Variants in HAT1 observed in about 807,000 individuals in gnomAD.
HAT1 encodes the protein histone acetyltransferase 1.
In HAT1, 20 loss-of-function variants were observed where a neutral mutation model predicts 56.6. The observed-to-expected ratio is 0.35, with a 90% CI of 0.25 to 0.51. HAT1 has a LOEUF of 0.51. Ranked by LOEUF, HAT1 falls within the 20% of genes least tolerant of loss-of-function variation. The pLI is 0.95. For synonymous variants in HAT1, 146 were observed against 165.5 expected (o/e 0.88, Z 0.91); for missense variants, 408 against 504.3 (o/e 0.81, Z 1.83).
intron 10 of HAT1, among the ~76,000 whole-genome samples, chr2:171,982,831 A>C (rs1288285115): frequency 6.6e-6 from 1 of 152,160 alleles, no homozygotes; most frequent in African/African-American, 2.4e-5. Context: ...ACTTAATCTC[A>C]GTTGTCTTTC....
At chr2:171,980,822 A>G (rs952876730) in intron 10 of HAT1, 5 of 144,582 alleles carry the variant, frequency 3.5e-5, no homozygotes, top group African/African-American at 1.0e-4. Context: ...TACCACTGCA[A>G]TCCAGGCTGG....
Position 171,965,459 on chromosome 2 carries a change from A to G in HAT1, c.431A>G (p.His144Arg). ...TTCAAGCCATTCGGAACCTTACTTC[A>G]TACCTACTCAGTTCTCAGTCCAACA... is the stretch of plus-strand genomic sequence containing the variant. ...VDFKPFGTLL[H>R]TYSVLSPTGG... The change falls in exon 5 of 11, where the codon CAT becomes CGT. Residue 144 changes from histidine to arginine, a missense_variant. By Grantham distance (29) the His-to-Arg change is conservative. Coordinates refer to ENST00000264108, the MANE Select transcript of HAT1 (RefSeq NM_003642.4). 1 of 1,610,204 alleles carries G rather than the reference A, an allele frequency of 6.2e-7. No individual in the cohort carries two copies. Among genetic ancestry groups the G allele is most frequent in the East Asian group, 2.2e-5 (1 of 44,808 alleles).
intron 1 of HAT1, chr2:171,922,846 G>C (rs1200849409): frequency 3.4e-6 from 1 of 296,984 alleles, no homozygotes; most frequent in Non-Finnish European, 6.2e-6. Flanking sequence ...GTCCACTGCT[G>C]CTTGCTTCAG....
rs1687664234 is a variant in HAT1, at chr2:171,965,530, C to G, written c.489+13C>G. 6.8e-7 allele frequency: 1 copy of G among 1,465,954 alleles called. No homozygotes were observed. Among genetic ancestry groups the G allele is most frequent in the East Asian group, 2.3e-5 (1 of 43,684 alleles). 90.8% of individuals were successfully genotyped at this position (1,465,954 alleles called of 1,614,324 possible). On this transcript the variant is annotated intron_variant, in intron 5 of 10. Transcript: ENST00000264108. Reference sequence around the variant, plus strand: ...TCAGATATATAAGGTAAAGATAAATCTAAATATTTATTGAGTAAAGTTCTA... The same window carrying G: ...TCAGATATATAAGGTAAAGATAAATGTAAATATTTATTGAGTAAAGTTCTA...
rs562502866 is a variant in HAT1, at chr2:171,978,562, C to T, written c.976-685C>T. ...ATCTCTCCTAGGCTGTGAAAACTCA[C>T]ATTTTCACATCCTTCTCTCAGTTTT... On this transcript the variant is annotated intron_variant, in intron 9 of 10. Coordinates refer to ENST00000264108, the MANE Select transcript of HAT1 (RefSeq NM_003642.4). Among the ~76,000 whole-genome samples the T allele has an allele frequency of 1.0e-3, 148 of 146,592 alleles. 1 individual carries two copies. The highest frequency in any genetic ancestry group is 1.6e-3 in the Non-Finnish European group (111 of 67,522).
chr2:171,962,702 T>A (rs933841415), intron 4 of HAT1, among the ~76,000 whole-genome samples: 4 of 152,172 alleles, frequency 2.6e-5, no homozygotes, highest in Admixed American at 1.3e-4. Context: ...CCTGGTGTCT[T>A]TTTAAAAATT....
intron 1 of HAT1, 76 bp from the exon 2 acceptor site, chr2:171,925,461 C>T: frequency 2.8e-6 from 2 of 726,912 alleles, no homozygotes; most frequent in Non-Finnish European, 5.1e-6. Flanking sequence ...CCCTATTCCA[C>T]TTATAATAAC....
At chr2:171,923,030 A>G (rs1338438140) in intron 1 of HAT1, 1 of 153,902 alleles carries the variant, frequency 6.5e-6, no homozygotes, top group Non-Finnish European at 1.4e-5. Context: ...TCGTCTCGTT[A>G]ATCTGTCACA....
At chr2:171,970,500 T>TC in intron 8 of HAT1, among the ~76,000 whole-genome samples, 1 of 5,590 alleles carries the variant, frequency 1.8e-4, no homozygotes, top group Non-Finnish European at 7.0e-4. Flanking sequence ...CAGTTTCTTT[T>TC]TTTTTTTTTT....
In HAT1 at chr2:171,934,197, T is replaced by C. The variant is rs373797340; in HGVS notation, c.112+8556T>C. ...ACTTTGTTAGCTATTAATATAGAAA[T>C]GAGAATGTTTTAAACCTGTAAGAAA... On this transcript the variant is annotated intron_variant, in intron 2 of 10. Transcript: ENST00000264108. 3.3e-5 allele frequency among the ~76,000 whole-genome samples: 5 copies of C among 152,346 alleles called. No homozygotes were observed. In the East Asian group the frequency reaches 5.8e-4, roughly 18 times the overall value.
intron 2 of HAT1, among the ~76,000 whole-genome samples, chr2:171,930,600 T>C (rs537905647): frequency 2.0e-5 from 3 of 152,186 alleles, no homozygotes; most frequent in Non-Finnish European, 4.4e-5. Flanking sequence ...AATTCACTTA[T>C]TATTGTAGTT....
intron 4 of HAT1, among the ~76,000 whole-genome samples, chr2:171,960,146 T>C (rs1687539464): frequency 6.6e-6 from 1 of 152,174 alleles, no homozygotes; most frequent in Non-Finnish European, 1.5e-5. Flanking sequence ...TTTATATTTT[T>C]AAAATATGAT....
chr2:171,952,789 T>G, intron 3 of HAT1, 92 bp from the exon 4 acceptor site: 1 of 653,028 alleles, frequency 1.5e-6, no homozygotes, highest in Non-Finnish European at 2.4e-6. Context: ...ATCTTGAAAC[T>G]ACCCATGAAG....
chr2:171,965,932 G>C (rs1272945896), intron 6 of HAT1, 24 bp downstream of exon 6: 3 of 1,600,848 alleles, frequency 1.9e-6, no homozygotes, highest in Non-Finnish European at 2.6e-6. Flanking sequence ...TAAAGCAACA[G>C]TAGACCTTAT....
chr2:171,964,848 T>C (rs987131844), intron 4 of HAT1: 1 of 152,268 alleles, frequency 6.6e-6, no homozygotes, highest in African/African-American at 2.4e-5. Flanking sequence ...TTTTAAGTTA[T>C]CATCTTAGTT....
At chr2:171,977,555 ATATTT>A (rs1397566700) in intron 9 of HAT1, among the ~76,000 whole-genome samples, 9 of 11,206 alleles carry the variant, frequency 8.0e-4, no homozygotes, top group African/African-American at 1.5e-3. Flanking sequence ...ATATATATAT[ATATTT>A]TTTTTTTTTT....
chr2:171,935,361 A>G (rs960478963), intron 2 of HAT1, among the ~76,000 whole-genome samples: 1 of 151,210 alleles, frequency 6.6e-6, no homozygotes, highest in African/African-American at 2.4e-5. Context: ...CTAAAAATAC[A>G]AAAATTAGCT....
At chr2:171,961,939 A>T (rs1466750309) in intron 4 of HAT1, among the ~76,000 whole-genome samples, 1 of 151,460 alleles carries the variant, frequency 6.6e-6, no homozygotes, top group Non-Finnish European at 1.5e-5. Context: ...ATTATAGTTA[A>T]GTCTATGTAC....
intron 2 of HAT1, among the ~76,000 whole-genome samples, chr2:171,943,410 CAAAAAAAAAAAAA>C (rs377749207): frequency 1.7e-5 from 1 of 58,678 alleles, no homozygotes; most frequent in Non-Finnish European, 2.7e-5. Flanking sequence ...GACTCTGTCT[CAAAAAAAAAAAAA>C]AAAAAAAAAA....
Sources: allele counts gnomAD v4.1 joint callset (sites outside exome capture counted in the v4.1 genomes callset), GRCh38; gene constraint gnomAD v4.1.1; transcripts MANE v1.5; gene names NCBI Gene and HGNC (gene_info 2026-07-23, HGNC 2026-07-21).